SPATA13: variants seen among roughly 807,000 people sequenced by gnomAD.
The protein encoded by SPATA13 is spermatogenesis associated 13.
SPATA13 carries 50 observed loss-of-function variants against 104.0 expected under a neutral mutation model. The observed-to-expected ratio is 0.48, with a 90% CI of 0.38 to 0.61. The LOEUF is 0.61. Among genes scored for constraint, SPATA13 ranks in the 20% least tolerant of loss-of-function variants. SPATA13 has a pLI of 0.00. For missense variants in SPATA13, 1,524 were observed against 1,690.6 expected (o/e 0.90, Z 1.73); for synonymous variants, 606 against 667.5 (o/e 0.91, Z 1.42).
intron 4 of SPATA13, chr13:24,278,866 G>T (rs1392471880): frequency 4.8e-6 from 7 of 1,454,164 alleles, no homozygotes; most frequent in Non-Finnish European, 6.4e-6. Context: ...TCCACATGCT[G>T]TTTTTCTTTC....
intron 11 of SPATA13, among the ~76,000 whole-genome samples, chr13:24,298,883 A>C (rs117413394): frequency 0.017 from 2,536 of 152,288 alleles, 31 homozygotes; most frequent in Non-Finnish European, 0.022. Flanking sequence ...GAAACACTCA[A>C]TGGGTAGACA....
intron 3 of SPATA13, among the ~76,000 whole-genome samples, chr13:24,151,208 G>A (rs1593362354): frequency 6.6e-6 from 1 of 152,168 alleles, no homozygotes; most frequent in African/African-American, 2.4e-5. Context: ...AGCTATCTGT[G>A]CTGTGATTGT....
chr13:24,213,793 G>A (rs746164997), intron 1 of SPATA13, among the ~76,000 whole-genome samples: 3 of 152,128 alleles, frequency 2.0e-5, no homozygotes, highest in African/African-American at 7.2e-5. Flanking sequence ...AAGATGATAC[G>A]AGAATCTTAT....
At chr13:24,182,719 G>T (rs1868892452) in intron 1 of SPATA13, among the ~76,000 whole-genome samples, 1 of 152,102 alleles carries the variant, frequency 6.6e-6, no homozygotes, top group Non-Finnish European at 1.5e-5. Flanking sequence ...CATATCAATG[G>T]CTGTCTTTTT....
chr13:24,075,307 T>C (rs1879290379), intron 3 of SPATA13, among the ~76,000 whole-genome samples: 2 of 152,360 alleles, frequency 1.3e-5, no homozygotes, highest in South Asian at 4.1e-4. Context: ...TTTACATAAT[T>C]ATATCTCCAG....
intron 4 of SPATA13, among the ~76,000 whole-genome samples, 200 bp downstream of exon 4, chr13:24,252,062 G>T (rs938304256): frequency 6.6e-6 from 1 of 152,146 alleles, no homozygotes; most frequent in African/African-American, 2.4e-5. Context: ...CAGGCTGGTG[G>T]CTCTAAGTTT....
rs770339719 is a variant in SPATA13, at chr13:24,289,040, C to T, written c.2709C>T (p.Thr903=). The change falls in exon 8 of 13, where the codon ACC becomes ACT. Residue 903 remains threonine (T), a synonymous_variant. Coordinates refer to ENST00000382108, the MANE Select transcript of SPATA13 (RefSeq NM_001166271.3). ...GCCGCAAGCACACAGGAATGTTCAC[C>T]GTTGCGCAGCTAGCCACTATTTTTG... is the stretch of plus-strand genomic sequence containing the variant. The part of the protein sequence containing the change: ...RQCRKHTGMF[T]VAQLATIFGN... 2.0e-5 allele frequency: 32 copies of T among 1,613,524 alleles called. No individual in the cohort carries two copies. The highest frequency in any genetic ancestry group is 1.1e-4 in the East Asian group (5 of 44,872).
intron 3 of SPATA13, among the ~76,000 whole-genome samples, chr13:24,025,430 A>G (rs73162156): frequency 0.24 from 36,697 of 152,112 alleles, 4,743 homozygotes; most frequent in Admixed American, 0.29. Context: ...ATACTTTCCA[A>G]TGAACATTCT....
chr13:24,171,454 G>A (rs1195236206), intron 1 of SPATA13, among the ~76,000 whole-genome samples: 1 of 152,212 alleles, frequency 6.6e-6, no homozygotes, highest in Non-Finnish European at 1.5e-5. Context: ...AATGACAGTA[G>A]CCATGTCCTA....
intron 4 of SPATA13, among the ~76,000 whole-genome samples, chr13:24,256,237 T>C (rs1011696767): frequency 3.9e-5 from 6 of 152,156 alleles, no homozygotes; most frequent in African/African-American, 1.4e-4. Flanking sequence ...GGTTGGTAAA[T>C]GGATATAAAA....
At chr13:24,064,266 C>T (rs1447613753) in intron 3 of SPATA13, among the ~76,000 whole-genome samples, 1 of 152,190 alleles carries the variant, frequency 6.6e-6, no homozygotes, top group African/African-American at 2.4e-5. Flanking sequence ...GTCTCCGTTT[C>T]GTCAAGCCCA....
In SPATA13 at chr13:24,072,947, C is replaced by A. The variant is rs575808000; in HGVS notation, c.-112+55246C>A. 4.6e-5 allele frequency among the ~76,000 whole-genome samples: 7 copies of A among 151,396 alleles called. No homozygotes were observed. In the South Asian group the frequency reaches 1.5e-3, roughly 32 times the overall value. On this transcript the variant is annotated intron_variant, in intron 3 of 14. Transcript: ENST00000424834. ...CCCATATGTGAAAACCAGGTAAACT[C>A]GCAAACTCTATATGTGGGGTTCCTT... is the stretch of plus-strand genomic sequence containing the variant.
chr13:24,132,915 C>A (rs1381300568), intron 3 of SPATA13, among the ~76,000 whole-genome samples: 1 of 152,082 alleles, frequency 6.6e-6, no homozygotes, highest in Non-Finnish European at 1.5e-5. Flanking sequence ...GTGGAGATTG[C>A]AATGGGCCAA....
intron 3 of SPATA13, among the ~76,000 whole-genome samples, chr13:24,030,326 T>C (rs1877424034): frequency 6.6e-6 from 1 of 152,188 alleles, no homozygotes; most frequent in Non-Finnish European, 1.5e-5. Flanking sequence ...CTCCTGTACT[T>C]CATATTTTAT....
chr13:24,039,544 A>G (rs956609987), intron 3 of SPATA13, among the ~76,000 whole-genome samples: 12 of 152,214 alleles, frequency 7.9e-5, no homozygotes, highest in Non-Finnish European at 1.3e-4. Context: ...TTTATTATCA[A>G]GTTCATAAAA....
At chr13:23,985,074 A>T (rs974141228) in intron 2 of SPATA13, among the ~76,000 whole-genome samples, 5 of 152,230 alleles carry the variant, frequency 3.3e-5, no homozygotes, top group Admixed American at 3.3e-4. Flanking sequence ...GAATAACCAA[A>T]CACAGATGTG....
At chr13:24,040,821 TA>T (rs1467352967) in intron 3 of SPATA13, among the ~76,000 whole-genome samples, 1 of 152,198 alleles carries the variant, frequency 6.6e-6, no homozygotes, top group African/African-American at 2.4e-5. Context: ...CGTTCCTTTA[TA>T]AAACTCTTCC....
chr13:24,303,326 C>A lies in SPATA13; in HGVS notation c.*553C>A. The A allele has an allele frequency of 3.1e-6, 1 of 323,764 alleles. No individual in the cohort carries two copies. The highest frequency in any genetic ancestry group is 6.2e-6 in the Non-Finnish European group (1 of 160,642). 20.1% of individuals were successfully genotyped at this position (323,764 alleles called of 1,614,324 possible). On this transcript the variant is annotated 3_prime_UTR_variant, in exon 13 of 13. Coordinates refer to ENST00000382108, the MANE Select transcript of SPATA13 (RefSeq NM_001166271.3). ...TGGGGCTGACCACGGTGTTCCCTGG[C>A]ATCGTCTGTGTCCACACAGATGCTA...
intron 3 of SPATA13, among the ~76,000 whole-genome samples, chr13:24,110,753 T>C (rs1417272410): frequency 6.6e-6 from 1 of 152,148 alleles, no homozygotes; most frequent in Admixed American, 6.5e-5. Context: ...GAGCAATAAT[T>C]GTAGAAACTG....
Sources: allele counts gnomAD v4.1 joint callset (sites outside exome capture counted in the v4.1 genomes callset), GRCh38; gene constraint gnomAD v4.1.1; transcripts MANE v1.5; gene names NCBI Gene and HGNC (gene_info 2026-07-23, HGNC 2026-07-21).